The following PCDHA4 variants were observed in gnomAD, a reference collection of about 807,000 sequenced individuals.
The protein encoded by PCDHA4 is protocadherin alpha 4.
Under a neutral mutation model 61.4 loss-of-function variants are expected in PCDHA4, and 49 were observed. The observed-to-expected ratio is 0.80, with a 90% CI of 0.63 to 1.01. The LOEUF (loss-of-function observed/expected upper bound fraction) is 1.01. Ranked by LOEUF, PCDHA4 falls within the 50% of genes least tolerant of loss-of-function variation. The probability of loss-of-function intolerance (pLI) is 0.00; values close to 1 mark genes in which losing one functional copy is unlikely to be tolerated. For synonymous variants in PCDHA4, 590 were observed against 550.3 expected (o/e 1.07, Z -1.01); for missense variants, 1,254 against 1,235.8 (o/e 1.01, Z -0.22).
intron 1 of PCDHA4, chr5:140,849,563 G>A: frequency 1.9e-6 from 3 of 1,598,488 alleles, no homozygotes; most frequent in Non-Finnish European, 2.6e-6. Flanking sequence ...AAACGCTCTC[G>A]GTTCCTGTAA....
At chr5:140,834,579 G>A in intron 1 of PCDHA4, 1 of 1,614,068 alleles carries the variant, frequency 6.2e-7, no homozygotes, top group African/African-American at 1.3e-5. Flanking sequence ...CCTGTTCCGG[G>A]CGGTGTGCAA....
chr5:140,842,408 G>T, intron 1 of PCDHA4: 4 of 1,612,322 alleles, frequency 2.5e-6, no homozygotes, highest in Non-Finnish European at 3.4e-6. Flanking sequence ...ACGTGAAGAC[G>T]CTCAATTTGG....
chr5:140,855,355 C>T (rs1489669614), intron 1 of PCDHA4, among the ~76,000 whole-genome samples: 3 of 149,796 alleles, frequency 2.0e-5, no homozygotes, highest in African/African-American at 7.3e-5. Context: ...AGTCATGTGG[C>T]TAGTGAGTAG....
At chr5:140,946,634 A>ATATATAT (rs1554217761) in intron 1 of PCDHA4, among the ~76,000 whole-genome samples, 3 of 147,376 alleles carry the variant, frequency 2.0e-5, no homozygotes, top group African/African-American at 5.1e-5. Context: ...ATATATATAC[A>ATATATAT]ATGGAATACT....
At position 140,808,686 on chromosome 5, in the gene PCDHA4, G is replaced by A. The variant is rs1764236381; in HGVS notation, c.1499G>A (p.Gly500Glu). 2.5e-6 allele frequency: 4 copies of A among 1,612,280 alleles called. No homozygotes were observed. The South Asian group carries it at 3.3e-5, about 13-fold the overall frequency. Reference sequence around the variant, plus strand: ...TACTCGCTGGTAGAGCGGCGGGTAGGGGAGCGCGCGCTGTCGAGCTACGTT... The same window carrying A: ...TACTCGCTGGTAGAGCGGCGGGTAGAGGAGCGCGCGCTGTCGAGCTACGTT... ...VSYSLVERRV[G>E]ERALSSYVSV... Residue 500 changes from glycine (G) to glutamate (E), a missense_variant, in exon 1 of 4, where the codon GGG (glycine) becomes GAG (glutamate). Physicochemically the swap from Gly to Glu is moderately conservative, Grantham distance 98. Transcript: ENST00000530339.
At chr5:140,895,994 A>G (rs1554186774) in intron 1 of PCDHA4, among the ~76,000 whole-genome samples, 1 of 152,038 alleles carries the variant, frequency 6.6e-6, no homozygotes, top group Non-Finnish European at 1.5e-5. Context: ...TATTTTAAGT[A>G]GAGACAGGGT....
chr5:140,877,818 T>C (rs1207543793), intron 1 of PCDHA4: 1 of 1,608,890 alleles, frequency 6.2e-7, no homozygotes, highest in Non-Finnish European at 8.5e-7. Flanking sequence ...CTCGAGAAGA[T>C]TGTTTAAATC....
intron 1 of PCDHA4, chr5:140,841,651 G>A (rs2150320143): frequency 2.0e-5 from 32 of 1,614,034 alleles, no homozygotes; most frequent in Middle Eastern, 1.6e-4. Flanking sequence ...AGGTGATCGT[G>A]GACAGGCCGC....
rs1489202467 is a variant in PCDHA4 at position 140,882,704 on chromosome 5, A to G, written c.2385+73132A>G. ...GAAACGAATAATCATTGCAGAATCTAGACCTCCGGAAACTCGATTTCCACT... is the reference window on the plus strand; with the variant it reads ...GAAACGAATAATCATTGCAGAATCTGGACCTCCGGAAACTCGATTTCCACT... On this transcript the variant is annotated intron_variant, in intron 1 of 3. Coordinates refer to ENST00000530339, the MANE Select transcript of PCDHA4 (RefSeq NM_018907.4). 6 of 1,614,110 alleles carry G rather than the reference A, an allele frequency of 3.7e-6. No individual in the cohort carries two copies. The African/African-American group carries it at 8.0e-5, about 22-fold the overall frequency.
intron 1 of PCDHA4, among the ~76,000 whole-genome samples, chr5:140,958,355 C>A (rs2095420165): frequency 6.6e-6 from 1 of 152,064 alleles, no homozygotes; most frequent in Admixed American, 6.6e-5. Context: ...CACAGTCTGA[C>A]TTTATCAGGA....
intron 1 of PCDHA4, among the ~76,000 whole-genome samples, chr5:140,898,622 A>G (rs1286354840): frequency 7.9e-5 from 12 of 152,290 alleles, no homozygotes; most frequent in African/African-American, 2.6e-4. Context: ...GTCAGGTAGC[A>G]TAATGCCTCC....
At chr5:140,862,741 G>A (rs2153223703) in intron 1 of PCDHA4, 1 of 577,348 alleles carries the variant, frequency 1.7e-6, no homozygotes. Context: ...CTATGTGTGG[G>A]TGCACGCGGA....
chr5:140,867,399 A>G (rs1001723593), intron 1 of PCDHA4: 2 of 152,166 alleles, frequency 1.3e-5, no homozygotes, highest in Non-Finnish European at 2.9e-5. Context: ...AAAAGTTGAT[A>G]TGTCTCCTTT....
Position 140,856,394 on chromosome 5 carries a change from T to C in PCDHA4, c.2385+46822T>C, listed in dbSNP as rs782124565. On this transcript the variant is annotated intron_variant, in intron 1 of 3. Coordinates refer to ENST00000530339, the MANE Select transcript of PCDHA4 (RefSeq NM_018907.4). The stretch of plus-strand genomic sequence containing the variant: ...GATCGTGGACAGGCCGCTGCAGGTT[T>C]TCCATGTGGACGTGGAAGTGAAGGA... The C allele has an allele frequency of 2.5e-6, 4 of 1,598,384 alleles. No individual in the cohort carries two copies. The African/African-American group carries it at 5.4e-5, about 22-fold the overall frequency.
intron 1 of PCDHA4, among the ~76,000 whole-genome samples, chr5:140,901,786 T>C (rs2068901288): frequency 6.6e-6 from 1 of 152,242 alleles, no homozygotes; most frequent in South Asian, 2.1e-4. Context: ...TAGATTACTT[T>C]GGGTAGTATG....
intron 3 of PCDHA4, among the ~76,000 whole-genome samples, chr5:140,997,131 C>G (rs577407385): frequency 6.6e-6 from 1 of 152,008 alleles, no homozygotes; most frequent in Admixed American, 6.6e-5. Flanking sequence ...ACACAATGCC[C>G]CCACACCCCC....
At chr5:140,972,353 T>C (rs571045648) in intron 1 of PCDHA4, among the ~76,000 whole-genome samples, 5 of 152,058 alleles carry the variant, frequency 3.3e-5, no homozygotes, top group South Asian at 2.1e-4. Flanking sequence ...TCTCACTATG[T>C]TGCACATGCT....
At chr5:140,929,191 A>G in intron 1 of PCDHA4, 1 of 1,614,118 alleles carries the variant, frequency 6.2e-7, no homozygotes, top group Non-Finnish European at 8.5e-7. Flanking sequence ...TTCTGATAAT[A>G]ACAGTTTGCT....
At chr5:140,947,949 AT>A (rs1326528139) in intron 1 of PCDHA4, among the ~76,000 whole-genome samples, 1 of 151,494 alleles carries the variant, frequency 6.6e-6, no homozygotes, top group African/African-American at 2.4e-5. Context: ...AGTGTTCCAT[AT>A]TTTACAATTA....
Sources: allele counts gnomAD v4.1 joint callset (sites outside exome capture counted in the v4.1 genomes callset), GRCh38; gene constraint gnomAD v4.1.1; transcripts MANE v1.5; gene names NCBI Gene and HGNC (gene_info 2026-07-23, HGNC 2026-07-21).